EXOC2: variants seen among roughly 807,000 people sequenced by gnomAD.
The protein encoded by EXOC2 is SEC5-like 1.
In EXOC2, 70 loss-of-function variants were observed where a neutral mutation model predicts 131.8. That is an observed-to-expected ratio of 0.53 (90% CI 0.44 to 0.65). The LOEUF is 0.65. EXOC2 is among the 30% of genes least tolerant of loss of function. EXOC2 has a pLI of 0.00. For synonymous variants in EXOC2, 411 were observed against 398.4 expected (o/e 1.03, Z -0.38); for missense variants, 923 against 1,108.6 (o/e 0.83, Z 2.38).
At chr6:679,034 T>C (rs1465436649) in intron 1 of EXOC2, 4 of 151,960 alleles carry the variant, frequency 2.6e-5, no homozygotes, top group East Asian at 3.9e-4. Flanking sequence ...TAGAAGAACA[T>C]AAAGTAAGTG....
intron 1 of EXOC2, among the ~76,000 whole-genome samples, chr6:638,512 T>TA (rs1231159592): frequency 1.3e-5 from 2 of 152,232 alleles, no homozygotes; most frequent in Non-Finnish European, 2.9e-5. Context: ...AAATCTGTTC[T>TA]AAATCTCCCT....
chr6:629,933 A>G lies in EXOC2; in HGVS notation c.324T>C (p.Val108=). The stretch of plus-strand genomic sequence containing the variant: ...GCATATCATAATAATTCATTTCATC[A>G]ACCCACACAGCAGACTGATCCAAAA... ...IGILDQSAVW[V]DEMNYYDMRT... is the part of the protein sequence containing the mutation. The change falls in exon 4 of 28, where the codon GTT becomes GTC. Residue 108 remains valine (V), a synonymous_variant. Transcript: ENST00000230449. The G allele has an allele frequency of 6.2e-7, 1 of 1,614,064 alleles. No individual in the cohort carries two copies. Among genetic ancestry groups the G allele is most frequent in the Non-Finnish European group, 8.5e-7 (1 of 1,179,934 alleles).
At chr6:558,798 C>T (rs537447603) in intron 17 of EXOC2, among the ~76,000 whole-genome samples, 15 of 151,306 alleles carry the variant, frequency 9.9e-5, no homozygotes, top group Admixed American at 8.5e-4. Flanking sequence ...GGGTGACAGG[C>T]GAGACTCCGG....
chr6:687,047 A>T (rs1332201591), intron 1 of EXOC2, among the ~76,000 whole-genome samples: 1 of 152,242 alleles, frequency 6.6e-6, no homozygotes, highest in East Asian at 1.9e-4. Flanking sequence ...ATGCATAGAT[A>T]AAAACAGTAA....
At chr6:656,040 A>C in intron 1 of EXOC2, 1 of 1,187,134 alleles carries the variant, frequency 8.4e-7, no homozygotes, top group African/African-American at 1.5e-5. Flanking sequence ...CAACCCAATT[A>C]ACTCAGGGTC....
intron 1 of EXOC2, among the ~76,000 whole-genome samples, chr6:658,670 T>TA (rs1332684843): frequency 4.4e-5 from 6 of 137,122 alleles, no homozygotes; most frequent in South Asian, 2.4e-4. Context: ...TATATATTTT[T>TA]TTTTTTTTTA....
chr6:513,046 C>A lies in EXOC2; in HGVS notation c.2381-13346G>T, dbSNP rs866810280. ...AACCCCACAAAATAGGCCGACTCTG[C>A]GACTCTATGTTTCCCAGCTCCCATT... On this transcript the variant is annotated intron_variant, in intron 23 of 27. Coordinates refer to ENST00000230449, the MANE Select transcript of EXOC2 (RefSeq NM_018303.6). Among the ~76,000 whole-genome samples the A allele has an allele frequency of 7.9e-5, 12 of 152,316 alleles. 2 individuals carry two copies. In the East Asian group the frequency reaches 9.6e-4, roughly 12 times the overall value.
rs115329928 is a variant in EXOC2, at chr6:674,148, A to G, written c.-44+18871T>C. 6.0e-3 allele frequency among the ~76,000 whole-genome samples: 917 copies of G among 152,352 alleles called. 13 individuals carry two copies. Among genetic ancestry groups the G allele is most frequent in the African/African-American group, 0.021 (882 of 41,584 alleles). On this transcript the variant is annotated intron_variant, in intron 1 of 27. Transcript: ENST00000230449. ...ATTAAGCAAAAATACCAACTTGATCATAATTCTCATGCAATTAGCCAAATT... is the reference window on the plus strand; with the variant it reads ...ATTAAGCAAAAATACCAACTTGATCGTAATTCTCATGCAATTAGCCAAATT...
intron 13 of EXOC2, among the ~76,000 whole-genome samples, chr6:568,298 C>A (rs1021845610): frequency 2.0e-5 from 3 of 152,188 alleles, no homozygotes; most frequent in African/African-American, 7.2e-5. Flanking sequence ...GCTGATCCTC[C>A]CATGAGTTAG....
At chr6:530,537 A>C (rs775318854) in intron 23 of EXOC2, among the ~76,000 whole-genome samples, 1 of 152,230 alleles carries the variant, frequency 6.6e-6, no homozygotes, top group Non-Finnish European at 1.5e-5. Flanking sequence ...ACCTGGAGAC[A>C]TGCAGGGGAT....
chr6:617,189 A>C (rs181864321), intron 6 of EXOC2, among the ~76,000 whole-genome samples: 5 of 152,380 alleles, frequency 3.3e-5, no homozygotes, highest in Non-Finnish European at 7.3e-5. Flanking sequence ...TTTATAAAAA[A>C]AAAACTCTAC....
chr6:527,769 AG>A (rs1765829310), intron 23 of EXOC2, among the ~76,000 whole-genome samples: 1 of 152,242 alleles, frequency 6.6e-6, no homozygotes, highest in Admixed American at 6.5e-5. Context: ...ATCAAAAATA[AG>A]TTCACTATTT....
intron 1 of EXOC2, chr6:689,069 T>A (rs1562019037): frequency 6.6e-6 from 1 of 152,196 alleles, no homozygotes; most frequent in Non-Finnish European, 1.5e-5. Flanking sequence ...ACGCTGCACT[T>A]GTCACTGAGT....
At chr6:537,261 A>G (rs1056077159) in intron 22 of EXOC2, among the ~76,000 whole-genome samples, 13 of 128,298 alleles carry the variant, frequency 1.0e-4, no homozygotes, top group Admixed American at 6.5e-4. Context: ...CACACACGAG[A>G]TGACGGCCGA....
intron 21 of EXOC2, among the ~76,000 whole-genome samples, chr6:550,792 T>C (rs957135051): frequency 6.6e-5 from 10 of 152,196 alleles, no homozygotes; most frequent in Admixed American, 6.5e-4. Context: ...GCCTTCAACA[T>C]GCTGTTCGCC....
intron 23 of EXOC2, among the ~76,000 whole-genome samples, chr6:523,151 T>C (rs984998823): frequency 6.6e-6 from 1 of 152,216 alleles, no homozygotes; most frequent in Non-Finnish European, 1.5e-5. Flanking sequence ...AGAGATGGGA[T>C]GGCGCTATGC....
At chr6:613,757 G>C (rs556096674) in intron 6 of EXOC2, among the ~76,000 whole-genome samples, 2 of 152,330 alleles carry the variant, frequency 1.3e-5, no homozygotes, top group Admixed American at 1.3e-4. Context: ...TATTTGGATA[G>C]CATCAGGAGA....
At chr6:585,266 C>T (rs1193735) in intron 11 of EXOC2, among the ~76,000 whole-genome samples, 77,326 of 151,948 alleles carry the variant, frequency 0.51, 19,850 homozygotes, top group Middle Eastern at 0.62. Flanking sequence ...TCTTTTTCCA[C>T]CCTTAGAAAA....
At chr6:692,668 T>C (rs1273977798) in intron 1 of EXOC2, among the ~76,000 whole-genome samples, 1 of 152,196 alleles carries the variant, frequency 6.6e-6, no homozygotes, top group Non-Finnish European at 1.5e-5. Context: ...TCTCACGGAG[T>C]GGCAACTGCG....
Sources: gnomAD v4.1 joint callset for allele counts (sites outside exome capture counted in the v4.1 genomes callset) on GRCh38, gnomAD v4.1.1 for gene constraint, MANE v1.5 for transcripts, NCBI Gene and HGNC (gene_info 2026-07-23, HGNC 2026-07-21) for gene names.